HDAC5: variants seen among roughly 807,000 people sequenced by gnomAD.
The protein encoded by HDAC5 is histone deacetylase 5.
In HDAC5, 25 loss-of-function variants were observed where a neutral mutation model predicts 133.3. The ratio of observed to expected loss-of-function variants is 0.19; its 90% CI spans 0.14 to 0.26. The LOEUF (loss-of-function observed/expected upper bound fraction) is 0.26, where lower values mean the gene tolerates loss of function less well. Among genes scored for constraint, HDAC5 ranks in the 10% least tolerant of loss-of-function variants. The pLI, the probability that HDAC5 is intolerant of heterozygous loss-of-function variation, is 1.00. For synonymous variants in HDAC5, 589 were observed against 610.8 expected, an observed-to-expected ratio of 0.96 and a Z score of 0.53; for missense variants, 1,041 against 1,460.5, an observed-to-expected ratio of 0.71 and a Z score of 4.68.
intron 14 of HDAC5, among the ~76,000 whole-genome samples, chr17:44,086,195 C>T (rs530650809): frequency 6.6e-6 from 1 of 152,294 alleles, no homozygotes; most frequent in Non-Finnish European, 1.5e-5. Context: ...CTGTGTCCCC[C>T]CAGAGCCCAG....
At chr17:44,091,568 C>T in intron 10 of HDAC5, 76 bp from the exon 11 acceptor site, 7 of 1,485,034 alleles carry the variant, frequency 4.7e-6, no homozygotes, top group Non-Finnish European at 6.3e-6. Flanking sequence ...TACCCACTAT[C>T]TACCCCCCAA....
chr17:44,123,369 G>A (rs2053131502), intron 1 of HDAC5, 135 bp downstream of exon 1: 1 of 337,896 alleles, frequency 3.0e-6, no homozygotes, highest in Non-Finnish European at 5.3e-6. Context: ...TCCCAGGGCC[G>A]GGAGGAAGGA....
At chr17:44,115,425 C>A (rs1012505610) in intron 2 of HDAC5, among the ~76,000 whole-genome samples, 1 of 152,220 alleles carries the variant, frequency 6.6e-6, no homozygotes, top group Non-Finnish European at 1.5e-5. Context: ...TGGCTTCAAT[C>A]GGTGGTCTCA....
rs1441382557 is a variant in HDAC5 at position 44,091,842 on chromosome 17, G to A, written c.1033-11C>T. On this transcript the variant is annotated splice_polypyrimidine_tract_variant and intron_variant, in intron 9 of 26. Coordinates refer to ENST00000682912, the MANE Select transcript of HDAC5 (RefSeq NM_005474.5). ...GTGCTGAGGGAGCATCTGGGGAGCA[G>A]TCAGAAGAGACAGGCATGAGAGTGC... 1.3e-6 allele frequency: 2 copies of A among 1,542,562 alleles called. No homozygotes were observed. The highest frequency in any genetic ancestry group is 1.4e-5 in the African/African-American group (1 of 72,438).
intron 3 of HDAC5, among the ~76,000 whole-genome samples, chr17:44,108,764 A>AAC (rs2052144166): frequency 6.8e-6 from 1 of 146,492 alleles, no homozygotes; most frequent in African/African-American, 2.7e-5. Flanking sequence ...AAAAAAAACA[A>AAC]AAAAAAAACA....
intron 3 of HDAC5, among the ~76,000 whole-genome samples, chr17:44,095,846 G>T (rs2051238805): frequency 6.6e-6 from 1 of 152,130 alleles, no homozygotes; most frequent in East Asian, 1.9e-4. Context: ...CAGAACTCTG[G>T]TCTTACGGAG....
intron 3 of HDAC5, among the ~76,000 whole-genome samples, chr17:44,104,683 T>A (rs1005293146): frequency 2.0e-5 from 3 of 152,202 alleles, no homozygotes; most frequent in Admixed American, 6.5e-5. Flanking sequence ...AATTGTGGGA[T>A]CCCTTTTGTC....
At position 44,117,675 on chromosome 17, in the gene HDAC5, CG is replaced by C; in HGVS notation, c.-161del. 1.3e-6 allele frequency: 1 copy of C among 749,480 alleles called. No individual in the cohort carries two copies. The highest frequency in any genetic ancestry group is 1.5e-5 in the South Asian group (1 of 64,920). The allele number at this position is 749,480 out of a possible 1,614,324, so 46.4% of individuals were successfully genotyped here. A position where few individuals can be genotyped will look rare whatever the true frequency, so the allele number is the denominator to read the frequency against. The stretch of plus-strand genomic sequence containing the variant: ...GCCCATCCGAGGCCATCCTTCGGGG[CG>C]AGGCAGTCAGGCACTCAGAACGGCA... On this transcript the variant is annotated 5_prime_UTR_variant, in exon 2 of 27. Coordinates refer to ENST00000682912, the MANE Select transcript of HDAC5 (RefSeq NM_005474.5). This position sits in a 1 kb window ranked among gnomAD's most constrained non-coding sequence, Gnocchi z 4.2.
chr17:44,102,130 G>C lies in HDAC5; in HGVS notation c.95-8296C>G, dbSNP rs146500325. ...AGGCCCAGCACTTAAGGCTGTGTAGGTGGCATATTGCACATGGGCTCTCGT... is the reference window on the plus strand; with the variant it reads ...AGGCCCAGCACTTAAGGCTGTGTAGCTGGCATATTGCACATGGGCTCTCGT... On this transcript the variant is annotated intron_variant, in intron 3 of 26. Transcript: ENST00000682912. 9.0e-3 allele frequency among the ~76,000 whole-genome samples: 1,366 copies of C among 152,318 alleles called. 19 individuals are homozygous for C. The highest frequency in any genetic ancestry group is 0.031 in the African/African-American group (1,301 of 41,566).
intron 12 of HDAC5, among the ~76,000 whole-genome samples, 159 bp downstream of exon 12, chr17:44,088,228 G>T (rs1597953710): frequency 6.6e-6 from 1 of 152,276 alleles, no homozygotes; most frequent in Middle Eastern, 3.4e-3. Context: ...GGCCAGGCTG[G>T]TCTCGAACTC....
intron 3 of HDAC5, among the ~76,000 whole-genome samples, chr17:44,110,366 G>A (rs934438826): frequency 6.6e-6 from 1 of 152,204 alleles, no homozygotes; most frequent in Non-Finnish European, 1.5e-5. Context: ...CCAAACTTGG[G>A]GAGCGGGCAG....
chr17:44,122,323 T>A (rs1488386930), intron 1 of HDAC5, among the ~76,000 whole-genome samples: 2 of 152,092 alleles, frequency 1.3e-5, no homozygotes. Flanking sequence ...GCAATCTGGC[T>A]AGGGGTCCCT....
At position 44,080,798 on chromosome 17, in the gene HDAC5, C is replaced by T; in HGVS notation, c.2692G>A (p.Gly898Arg). ...LYISLHRYDN[G>R]NFFPGSGAPE... ...GCCCCAGAGCCTGGAAAGAAGTTCC[C>T]GTTGTCATAGCGATGCAGAGAGATG... Residue 898 changes from glycine to arginine, a missense_variant, in exon 21 of 27, where the codon GGG (glycine) becomes AGG (arginine). Gly to Arg is a moderately radical substitution (Grantham distance 125). Coordinates refer to ENST00000682912, the MANE Select transcript of HDAC5 (RefSeq NM_005474.5). 1 of 1,614,178 alleles carries T rather than the reference C, an allele frequency of 6.2e-7. No homozygotes were observed. Among genetic ancestry groups the T allele is most frequent in the Non-Finnish European group, 8.5e-7 (1 of 1,180,028 alleles).
chr17:44,107,715 C>G (rs116158498), intron 3 of HDAC5, among the ~76,000 whole-genome samples: 1 of 151,974 alleles, frequency 6.6e-6, no homozygotes, highest in Non-Finnish European at 1.5e-5. Context: ...TCTTACCCTC[C>G]CGGCACTACA....
At chr17:44,110,859 A>C (rs1270066437) in intron 2 of HDAC5, 59 bp from the exon 3 acceptor site, 1 of 1,427,350 alleles carries the variant, frequency 7.0e-7, no homozygotes, top group African/African-American at 1.4e-5. Context: ...CGAGCCCCTG[A>C]GCCTTGGGCA....
At chr17:44,092,828 G>GGGCCCCCGGGGGGGGGGGGGGGGGGGGC in intron 6 of HDAC5, 22 bp from the exon 7 acceptor site, 1 of 596,640 alleles carries the variant, frequency 1.7e-6, no homozygotes, top group Non-Finnish European at 2.9e-6. Flanking sequence ...GGGGGGTGGG[G>GGGCCCCCGGGGGGGGGGGGGGGGGGGGC]ATGGAAGCAG....
intron 21 of HDAC5, 129 bp from the exon 22 acceptor site, chr17:44,080,627 G>A: frequency 6.8e-7 from 1 of 1,465,708 alleles, no homozygotes; most frequent in Non-Finnish European, 9.5e-7. Flanking sequence ...AGTCAGATCA[G>A]TGTGGTCCTC....
At position 44,093,564 on chromosome 17, in the gene HDAC5, C is replaced by T. The variant is rs751123714; in HGVS notation, c.354+11G>A. On this transcript the variant is annotated intron_variant, in intron 4 of 26. Transcript: ENST00000682912. ...GAGGTCTGGGCGGCCCCCCGCACCC[C>T]CCTCGCTCACCTTGAGGTGCTTCTG... 3.1e-6 allele frequency: 5 copies of T among 1,601,278 alleles called. No individual in the cohort carries two copies. Among genetic ancestry groups the T allele is most frequent in the South Asian group, 1.1e-5 (1 of 89,566 alleles).
At position 44,080,096 on chromosome 17, in the gene HDAC5, A is replaced by G. The variant is rs1470498960; in HGVS notation, c.2944+11T>C. The G allele has an allele frequency of 6.3e-7, 1 of 1,575,704 alleles. No homozygotes were observed. The highest frequency in any genetic ancestry group is 1.7e-5 in the Admixed American group (1 of 59,950). On this transcript the variant is annotated intron_variant, in intron 23 of 26. Transcript: ENST00000682912. Reference sequence around the variant, plus strand: ...GTTTCACTTCCTCCCTCAATCCCCCAGCAGGCTTACATCTGGCGGTGACAG... The same window carrying G: ...GTTTCACTTCCTCCCTCAATCCCCCGGCAGGCTTACATCTGGCGGTGACAG...
Sources: gnomAD v4.1 joint callset for allele counts (sites outside exome capture counted in the v4.1 genomes callset) on GRCh38, gnomAD v4.1.1 for gene constraint, Gnocchi (gnomAD v3.1) non-coding constraint, MANE v1.5 for transcripts, NCBI Gene and HGNC (gene_info 2026-07-23, HGNC 2026-07-21) for gene names.